Variants in LHFPL3 observed in about 807,000 individuals in gnomAD.
LHFPL3 encodes the protein LHFPL tetraspan subfamily member 3 protein.
A neutral mutation model predicts 19.3 loss-of-function variants in LHFPL3; 5 were observed. That is an observed-to-expected ratio of 0.26 (90% CI 0.14 to 0.54). The LOEUF (loss-of-function observed/expected upper bound fraction) is 0.54. Ranked by LOEUF, LHFPL3 falls within the 20% of genes least tolerant of loss-of-function variation. The pLI, the probability that LHFPL3 is intolerant of heterozygous loss-of-function variation, is 0.94. For missense variants in LHFPL3, 249 were observed against 307.4 expected, an observed-to-expected ratio of 0.81 and a Z score of 1.42; for synonymous variants, 133 against 126.2, an observed-to-expected ratio of 1.05 and a Z score of -0.36.
At chr7:104,881,825 ACAGCCACCT>A (rs1792063088) in intron 2 of LHFPL3, among the ~76,000 whole-genome samples, 1 of 152,198 alleles carries the variant, frequency 6.6e-6, no homozygotes, top group African/African-American at 2.4e-5. Context: ...TAGAAATTCC[ACAGCCACCT>A]CAGCCTTCAG....
chr7:104,343,512 C>CA lies in LHFPL3; in HGVS notation c.445+14327dup, dbSNP rs536122769. On this transcript the variant is annotated intron_variant, in intron 1 of 2. Transcript: ENST00000424859. Reference sequence around the variant, plus strand: ...TGGGCAACAGAGTGAGACTCTGTCTCAAAAAAAAAAAAAAAAAAAAAAAAA... The same window carrying CA: ...TGGGCAACAGAGTGAGACTCTGTCTCAAAAAAAAAAAAAAAAAAAAAAAAAA... Among the ~76,000 whole-genome samples, 39 of 47,470 alleles carry CA rather than the reference C, an allele frequency of 8.2e-4. 4 individuals carry two copies. The highest frequency in any genetic ancestry group is 1.3e-3 in the Non-Finnish European group (31 of 24,040). 31.1% of individuals were successfully genotyped at this position (47,470 alleles called of 152,430 possible). A position where few individuals can be genotyped will look rare whatever the true frequency, so the allele number is the denominator to read the frequency against.
chr7:104,608,262 A>G (rs1168226998), intron 1 of LHFPL3, among the ~76,000 whole-genome samples: 2 of 151,972 alleles, frequency 1.3e-5, no homozygotes, highest in Non-Finnish European at 2.9e-5. Flanking sequence ...TCCAACAACG[A>G]TAGACTGGAT....
chr7:104,871,615 A>T (rs957557728), intron 2 of LHFPL3, among the ~76,000 whole-genome samples: 3 of 152,206 alleles, frequency 2.0e-5, no homozygotes, highest in Non-Finnish European at 4.4e-5. Context: ...CTCTTTTAGA[A>T]TAACACTTAG....
At chr7:104,874,278 T>G (rs906884413) in intron 2 of LHFPL3, among the ~76,000 whole-genome samples, 1 of 152,222 alleles carries the variant, frequency 6.6e-6, no homozygotes, top group Admixed American at 6.5e-5. Flanking sequence ...TTACTCATAA[T>G]TGCAATCTAA....
chr7:104,724,332 A>T (rs1047739134), intron 1 of LHFPL3, among the ~76,000 whole-genome samples: 2 of 152,152 alleles, frequency 1.3e-5, no homozygotes, highest in African/African-American at 2.4e-5. Context: ...GAAACAGAAT[A>T]AAACAGCCAA....
intron 1 of LHFPL3, among the ~76,000 whole-genome samples, chr7:104,603,105 TC>T (rs1376829179): frequency 7.8e-5 from 11 of 140,598 alleles, no homozygotes; most frequent in African/African-American, 2.5e-4. Flanking sequence ...TTTCTTTCTT[TC>T]TTTCTTTCTT....
chr7:104,808,851 T>A (rs1477437972), intron 2 of LHFPL3, among the ~76,000 whole-genome samples: 1 of 151,522 alleles, frequency 6.6e-6, no homozygotes, highest in East Asian at 1.9e-4. Flanking sequence ...TGTTTGGTCC[T>A]TTTCTGCCCT....
At chr7:104,548,272 A>T (rs546295740) in intron 1 of LHFPL3, among the ~76,000 whole-genome samples, 61 of 152,334 alleles carry the variant, frequency 4.0e-4, no homozygotes, top group Middle Eastern at 3.4e-3. Context: ...TGTGTACACA[A>T]GCACATAAAT....
intron 1 of LHFPL3, among the ~76,000 whole-genome samples, chr7:104,482,059 C>A (rs140381114): frequency 2.6e-5 from 4 of 152,306 alleles, no homozygotes; most frequent in African/African-American, 4.8e-5. Flanking sequence ...CCTTTCCTCC[C>A]CTCAGAGGTG....
chr7:104,438,862 GAA>G (rs1792164074), intron 1 of LHFPL3, among the ~76,000 whole-genome samples: 2 of 151,818 alleles, frequency 1.3e-5, no homozygotes, highest in East Asian at 1.9e-4. Context: ...AACTGTGCAA[GAA>G]AAACAGACAA....
intron 1 of LHFPL3, among the ~76,000 whole-genome samples, chr7:104,693,760 C>T (rs578219240): frequency 1.3e-5 from 2 of 149,960 alleles, no homozygotes; most frequent in South Asian, 2.1e-4. Flanking sequence ...GCTGGGACTA[C>T]AGGCGCCCGC....
In LHFPL3 at chr7:104,514,142, A is replaced by G. The variant is rs144470788; in HGVS notation, c.445+184918A>G. The stretch of plus-strand genomic sequence containing the variant: ...CATTCCATGTTTTCTCCAGCCACAG[A>G]GCTTTTCAGCATATGCCATTCTCTG... On this transcript the variant is annotated intron_variant, in intron 1 of 2. Coordinates refer to ENST00000424859, the MANE Select transcript of LHFPL3 (RefSeq NM_199000.3). 3.5e-3 allele frequency among the ~76,000 whole-genome samples: 539 copies of G among 152,270 alleles called. 1 individual carries two copies. Among genetic ancestry groups the G allele is most frequent in the Middle Eastern group, 0.014 (4 of 294 alleles).
At chr7:104,578,681 A>T (rs1790395441) in intron 1 of LHFPL3, among the ~76,000 whole-genome samples, 1 of 152,146 alleles carries the variant, frequency 6.6e-6, no homozygotes, top group South Asian at 2.1e-4. Flanking sequence ...CCCTACCGTG[A>T]TAGATTGTGC....
At chr7:104,613,378 C>T (rs1374590200) in intron 1 of LHFPL3, among the ~76,000 whole-genome samples, 2 of 152,122 alleles carry the variant, frequency 1.3e-5, no homozygotes, top group African/African-American at 4.8e-5. Context: ...ACTTTATTGC[C>T]TTAAATCCTA....
chr7:104,565,927 C>T (rs1272012474), intron 1 of LHFPL3, among the ~76,000 whole-genome samples: 1 of 152,086 alleles, frequency 6.6e-6, no homozygotes, highest in Non-Finnish European at 1.5e-5. Context: ...ACAGAGCCAA[C>T]AAGCATAATG....
rs1467441894 is a variant in LHFPL3 at position 104,499,142 on chromosome 7, G to T, written c.445+169918G>T. 2.6e-5 allele frequency among the ~76,000 whole-genome samples: 4 copies of T among 152,154 alleles called. No homozygotes were observed. In the South Asian group the frequency reaches 8.3e-4, roughly 32 times the overall value. On this transcript the variant is annotated intron_variant, in intron 1 of 2. Coordinates refer to ENST00000424859, the MANE Select transcript of LHFPL3 (RefSeq NM_199000.3). ...CTTAATTTTATTTCTGAGGGAAATG[G>T]TGTCATCTTAACTACCTTATGAGGA...
intron 2 of LHFPL3, among the ~76,000 whole-genome samples, chr7:104,881,169 C>CA (rs60361178): frequency 0.012 from 1,071 of 91,336 alleles, 15 homozygotes; most frequent in African/African-American, 0.034. Context: ...GATTCCATCT[C>CA]AAAAAAAAAA....
intron 1 of LHFPL3, among the ~76,000 whole-genome samples, chr7:104,368,934 C>A (rs138948132): frequency 7.2e-5 from 11 of 152,272 alleles, no homozygotes; most frequent in African/African-American, 2.6e-4. Flanking sequence ...TACTTACCAG[C>A]CCTTACAGAC....
chr7:104,761,161 T>G (rs2116370987), intron 2 of LHFPL3, among the ~76,000 whole-genome samples: 1 of 152,212 alleles, frequency 6.6e-6, no homozygotes, highest in Admixed American at 6.5e-5. Flanking sequence ...AATGACAAGA[T>G]AAGTGAAAGT....
Sources: allele counts gnomAD v4.1 joint callset (sites outside exome capture counted in the v4.1 genomes callset), GRCh38; gene constraint gnomAD v4.1.1; transcripts MANE v1.5; gene names NCBI Gene and HGNC (gene_info 2026-07-23, HGNC 2026-07-21).